The following WAC variants were observed in gnomAD, a reference collection of about 807,000 sequenced individuals.
The protein encoded by WAC is WW domain containing adaptor with coiled-coil, also known as WW domain-containing adapter protein with coiled-coil.
Under a neutral mutation model 79.6 loss-of-function variants are expected in WAC, and 11 were observed. That is an observed-to-expected ratio of 0.14 (90% confidence interval 0.09 to 0.23). The LOEUF is 0.23. WAC is among the 10% of genes least tolerant of loss of function. The pLI is 1.00. For synonymous variants in WAC, 304 were observed against 276.9 expected (o/e 1.10, Z -0.97); for missense variants, 728 against 773.5 (o/e 0.94, Z 0.70).
chr10:28,608,435 A>G lies in WAC; in HGVS notation c.1165+4A>G, dbSNP rs1384507212. The G allele has an allele frequency of 1.3e-6, 2 of 1,572,072 alleles. No homozygotes were observed. The highest frequency in any genetic ancestry group is 1.7e-6 in the Non-Finnish European group (2 of 1,158,174). On this transcript the variant is annotated splice_donor_region_variant and intron_variant, in intron 8 of 13. Transcript: ENST00000354911. The stretch of plus-strand genomic sequence containing the variant: ...GACATATCTAAAATAAATGAAGGTA[A>G]ATCTTCATAACAGTTTTTTAAAAAT...
chr10:28,575,368 C>T (rs1839189245), intron 3 of WAC, among the ~76,000 whole-genome samples: 2 of 152,314 alleles, frequency 1.3e-5, no homozygotes, highest in South Asian at 2.1e-4. Flanking sequence ...TTTATGGCTA[C>T]AGATAACTAT....
At chr10:28,581,025 A>T (rs961926059) in intron 3 of WAC, among the ~76,000 whole-genome samples, 1 of 152,102 alleles carries the variant, frequency 6.6e-6, no homozygotes, top group African/African-American at 2.4e-5. Context: ...GATGCACTTA[A>T]TTCCTCCAGC....
Position 28,577,230 on chromosome 10 carries a change from C to T in WAC, c.275-6169C>T, listed in dbSNP as rs12415152. Among the ~76,000 whole-genome samples, 134 of 152,192 alleles carry T rather than the reference C, an allele frequency of 8.8e-4. 4 individuals carry two copies. Among genetic ancestry groups the T allele is most frequent in the Admixed American group, 7.7e-3 (117 of 15,278 alleles). ...ATTATAAACTAAAGTTGTATTGGTT[C>T]GTGTGTACAAATTTTTTTTAGTCAA... On this transcript the variant is annotated intron_variant, in intron 3 of 13. Transcript: ENST00000354911.
At chr10:28,603,967 A>ATATATATATATATATATATG (rs1840787876) in intron 7 of WAC, among the ~76,000 whole-genome samples, 1 of 40,178 alleles carries the variant, frequency 2.5e-5, no homozygotes, top group Non-Finnish European at 5.7e-5. Flanking sequence ...GTATGTATAT[A>ATATATATATATATATATATG]TATATATATA....
intron 1 of WAC, 36 bp from the exon 2 acceptor site, chr10:28,533,962 T>A: frequency 6.2e-7 from 1 of 1,604,048 alleles, no homozygotes; most frequent in Non-Finnish European, 8.5e-7. Context: ...ACCCGCGCCG[T>A]GTCTTATGTC....
intron 8 of WAC, 35 bp from the exon 9 acceptor site, chr10:28,610,664 T>C: frequency 1.3e-6 from 2 of 1,578,618 alleles, no homozygotes; most frequent in South Asian, 1.2e-5. Flanking sequence ...AAGCCTCTTG[T>C]TTTTATATGA....
intron 1 of WAC, 74 bp downstream of exon 1, chr10:28,533,694 A>G (rs1836418645): frequency 8.9e-6 from 13 of 1,456,652 alleles, no homozygotes; most frequent in Admixed American, 2.1e-5. Flanking sequence ...CCTTATCTGG[A>G]GCTGGCCGGG....
At chr10:28,558,355 G>A (rs1346625466) in intron 3 of WAC, among the ~76,000 whole-genome samples, 2 of 152,152 alleles carry the variant, frequency 1.3e-5, no homozygotes, top group East Asian at 3.9e-4. Context: ...CTAATATAGG[G>A]TAAATGCAGA....
rs1361783584 is a variant in WAC, at chr10:28,547,559, C to T, written c.274+11802C>T. 2.0e-5 allele frequency among the ~76,000 whole-genome samples: 3 copies of T among 151,600 alleles called. No homozygotes were observed. The East Asian group carries it at 5.8e-4, about 29-fold the overall frequency. ...TCCAAAAAAAAAAAAAGACTTGTAA[C>T]TTTTTTTGTGAATCGTAATCTAAGA... On this transcript the variant is annotated intron_variant, in intron 3 of 13. Coordinates refer to ENST00000354911, the MANE Select transcript of WAC (RefSeq NM_016628.5).
intron 9 of WAC, chr10:28,611,139 C>A (rs1241447834): frequency 1.5e-6 from 1 of 676,636 alleles, no homozygotes; most frequent in Non-Finnish European, 2.2e-6. Flanking sequence ...CTATGATGTG[C>A]CATATATCTT....
intron 3 of WAC, among the ~76,000 whole-genome samples, chr10:28,564,803 GATA>G (rs376103045): frequency 6.6e-6 from 1 of 152,152 alleles, no homozygotes; most frequent in Non-Finnish European, 1.5e-5. Flanking sequence ...CCTCAAAATT[GATA>G]ATGATAATCC....
intron 13 of WAC, among the ~76,000 whole-genome samples, chr10:28,618,667 ATAT>A (rs1184615170): frequency 1.1e-4 from 16 of 152,238 alleles, no homozygotes; most frequent in African/African-American, 3.6e-4. Context: ...CAGGCAATAA[ATAT>A]TATAGTTCCC....
At chr10:28,589,705 A>G (rs768467632) in intron 4 of WAC, 31 bp from the exon 5 acceptor site, 5 of 1,433,332 alleles carry the variant, frequency 3.5e-6, no homozygotes, top group Non-Finnish European at 4.9e-6. Context: ...TAGTATTAAC[A>G]TTTTCTAATT....
chr10:28,533,748 G>C (rs910296732), intron 1 of WAC, 128 bp downstream of exon 1: 1 of 1,203,964 alleles, frequency 8.3e-7, no homozygotes, highest in African/African-American at 1.6e-5. Context: ...GGGTTGGGGA[G>C]GAGGAGCGGC....
intron 7 of WAC, among the ~76,000 whole-genome samples, chr10:28,598,696 T>A (rs1463754273): frequency 6.6e-6 from 1 of 152,212 alleles, no homozygotes; most frequent in Non-Finnish European, 1.5e-5. Context: ...TCCACAACAC[T>A]GTTCTTTCCT....
chr10:28,589,627 G>T, intron 4 of WAC, 109 bp from the exon 5 acceptor site: 1 of 616,990 alleles, frequency 1.6e-6, no homozygotes. Flanking sequence ...CTAGTTCAGA[G>T]TACCTTTATC....
At chr10:28,539,462 T>C (rs1207899897) in intron 3 of WAC, among the ~76,000 whole-genome samples, 1 of 152,228 alleles carries the variant, frequency 6.6e-6, no homozygotes, top group Non-Finnish European at 1.5e-5. Flanking sequence ...TATTTTTTTG[T>C]GAAATGAGTT....
intron 11 of WAC, 72 bp from the exon 12 acceptor site, chr10:28,616,101 C>A: frequency 8.1e-7 from 1 of 1,241,912 alleles, no homozygotes; most frequent in Non-Finnish European, 1.1e-6. Context: ...AAGGTATTAA[C>A]ATGCAGTTTC....
chr10:28,612,034 G>T, intron 10 of WAC, 112 bp downstream of exon 10: 1 of 1,308,416 alleles, frequency 7.6e-7, no homozygotes, highest in South Asian at 1.4e-5. Context: ...TGTAGTGGTG[G>T]AATGAATGAC....
Sources: allele counts gnomAD v4.1 joint callset (sites outside exome capture counted in the v4.1 genomes callset), GRCh38; gene constraint gnomAD v4.1.1; transcripts MANE v1.5; gene names NCBI Gene and HGNC (gene_info 2026-07-23, HGNC 2026-07-21).